Variants in SMIM13 observed in about 807,000 individuals in gnomAD.
The protein encoded by SMIM13 is UPF0766 protein C6orf228.
A neutral mutation model predicts 5.9 loss-of-function variants in SMIM13; 3 were observed. The observed-to-expected ratio is 0.51, with a 90% CI of 0.23 to 1.31. The LOEUF is 1.31. Among genes scored for constraint, SMIM13 ranks in the 40% most tolerant of loss-of-function variants. The probability of loss-of-function intolerance (pLI) is 0.18; values close to 1 mark genes in which losing one functional copy is unlikely to be tolerated. For synonymous variants in SMIM13, 55 were observed against 46.0 expected (o/e 1.19, Z -0.79); for missense variants, 85 against 109.9 (o/e 0.77, Z 1.01).
At chr6:11,108,869 T>C (rs919489396) in intron 1 of SMIM13, among the ~76,000 whole-genome samples, 1 of 152,224 alleles carries the variant, frequency 6.6e-6, no homozygotes, top group African/African-American at 2.4e-5. Flanking sequence ...GGTTAGTGTG[T>C]TTCACTAGGG....
At chr6:11,117,635 A>G (rs1758258870) in intron 1 of SMIM13, among the ~76,000 whole-genome samples, 1 of 151,774 alleles carries the variant, frequency 6.6e-6, no homozygotes, top group Admixed American at 6.6e-5. Flanking sequence ...ATATTTCGTT[A>G]TCAGTTTCTA....
chr6:11,094,183 GCCAGCCGCCCATGCCGCCCCGGCGC>G lies in SMIM13; in HGVS notation c.-122_-98del, dbSNP rs1757890121. ...CCCCTGGGGGCGCTGCCGAGGGGGC[GCCAGCCGCCCATGCCGCCCCGGCGC>G]CCAGCCGCGCCTGGCGCCCGCCGCT... On this transcript the variant is annotated 5_prime_UTR_variant, in exon 1 of 2. The change abolishes an upstream ATG in the 5' untranslated region. Coordinates refer to ENST00000416247, the MANE Select transcript of SMIM13 (RefSeq NM_001135575.2). 1 of 221,472 alleles carries G rather than the reference GCCAGCCGCCCATGCCGCCCCGGCGC, an allele frequency of 4.5e-6. No homozygotes were observed. The highest frequency in any genetic ancestry group is 7.6e-6 in the Non-Finnish European group (1 of 131,812). The allele number at this position is 221,472 out of a possible 1,614,324, so 13.7% of individuals were successfully genotyped here. A position where few individuals can be genotyped will look rare whatever the true frequency, so the allele number is the denominator to read the frequency against.
At chr6:11,132,166 A>C (rs1758457459) in intron 1 of SMIM13, among the ~76,000 whole-genome samples, 2 of 152,234 alleles carry the variant, frequency 1.3e-5, no homozygotes, top group African/African-American at 4.8e-5. Flanking sequence ...TAAGAACATG[A>C]AAAGATGTTT....
At chr6:11,095,424 C>T (rs537441945) in intron 1 of SMIM13, among the ~76,000 whole-genome samples, 2 of 152,336 alleles carry the variant, frequency 1.3e-5, no homozygotes, top group East Asian at 3.9e-4. Context: ...TGGCCCACTG[C>T]AACCTCTGCC....
chr6:11,105,700 C>T (rs1758074873), intron 1 of SMIM13: 2 of 191,022 alleles, frequency 1.0e-5, no homozygotes, highest in Admixed American at 5.4e-5. Context: ...TTTGGGGTTC[C>T]ATCCTTCCAG....
chr6:11,112,999 T>G (rs923037541), intron 1 of SMIM13, among the ~76,000 whole-genome samples: 2 of 152,062 alleles, frequency 1.3e-5, no homozygotes, highest in African/African-American at 4.8e-5. Flanking sequence ...TTATATATTT[T>G]TTTGTATTTT....
At chr6:11,131,756 T>C (rs1561761084) in intron 1 of SMIM13, among the ~76,000 whole-genome samples, 1 of 152,168 alleles carries the variant, frequency 6.6e-6, no homozygotes, top group Non-Finnish European at 1.5e-5. Flanking sequence ...GACCCCTCTC[T>C]TATACCAAAA....
At chr6:11,122,663 T>G (rs2113662155) in intron 1 of SMIM13, among the ~76,000 whole-genome samples, 1 of 152,248 alleles carries the variant, frequency 6.6e-6, no homozygotes, top group East Asian at 1.9e-4. Flanking sequence ...GGTGGAGGAC[T>G]TTTTGCAGTG....
chr6:11,098,762 T>A (rs753359928), intron 1 of SMIM13, among the ~76,000 whole-genome samples: 1 of 152,220 alleles, frequency 6.6e-6, no homozygotes, highest in African/African-American at 2.4e-5. Flanking sequence ...TTTTATATAC[T>A]GTATTTCCAT....
At chr6:11,119,805 A>G (rs1482624046) in intron 1 of SMIM13, among the ~76,000 whole-genome samples, 1 of 152,216 alleles carries the variant, frequency 6.6e-6, no homozygotes. Flanking sequence ...TGATTATTGG[A>G]TAGAAAAGCT....
chr6:11,123,302 T>C (rs1015271514), intron 1 of SMIM13, among the ~76,000 whole-genome samples: 35 of 152,218 alleles, frequency 2.3e-4, no homozygotes, highest in Admixed American at 6.5e-5. Context: ...AACCTTCTCC[T>C]AGTGCTTGTC....
chr6:11,111,489 C>T (rs1758166024), intron 1 of SMIM13, among the ~76,000 whole-genome samples: 1 of 152,182 alleles, frequency 6.6e-6, no homozygotes, highest in Admixed American at 6.6e-5. Flanking sequence ...CTCCAAGGTC[C>T]TTCCCACCCC....
intron 1 of SMIM13, among the ~76,000 whole-genome samples, chr6:11,127,766 C>T (rs989667389): frequency 3.3e-5 from 5 of 152,170 alleles, no homozygotes; most frequent in Admixed American, 6.5e-5. Flanking sequence ...TCCCACAACA[C>T]GTGGGAATTA....
chr6:11,105,243 G>A (rs760190516), intron 1 of SMIM13: 164 of 1,613,990 alleles, frequency 1.0e-4, no homozygotes, highest in Non-Finnish European at 1.3e-4. Context: ...TTCCAATAAC[G>A]GGAAATCAGG....
chr6:11,122,031 A>G (rs1758316794), intron 1 of SMIM13, among the ~76,000 whole-genome samples: 1 of 152,162 alleles, frequency 6.6e-6, no homozygotes, highest in Admixed American at 6.5e-5. Context: ...TGGGCACCCC[A>G]CTGCTAATCT....
rs1404194115 is a variant in SMIM13, at chr6:11,107,120, C to T, written c.76+12731C>T. The stretch of plus-strand genomic sequence containing the variant: ...TGACAAAGCTATTCCCACCTGAAAA[C>T]CGTATGTCATGTGGATTATCTAGGA... On this transcript the variant is annotated intron_variant, in intron 1 of 1. Transcript: ENST00000416247. 2.6e-5 allele frequency among the ~76,000 whole-genome samples: 4 copies of T among 152,158 alleles called. No homozygotes were observed. In the East Asian group the frequency reaches 7.7e-4, roughly 29 times the overall value.
In SMIM13 at chr6:11,135,554, T is replaced by C. The variant is rs1031032766; in HGVS notation, c.*952T>C. 1 of 152,586 alleles carries C rather than the reference T, an allele frequency of 6.6e-6. No homozygotes were observed. The highest frequency in any genetic ancestry group is 1.5e-5 in the Non-Finnish European group (1 of 68,022). The allele number at this position is 152,586 out of a possible 1,614,324, so 9.5% of individuals were successfully genotyped here. A position where few individuals can be genotyped will look rare whatever the true frequency, so the allele number is the denominator to read the frequency against. On this transcript the variant is annotated 3_prime_UTR_variant, in exon 2 of 2. Transcript: ENST00000416247. ...CCCACTGCCATTAAACAGAAGACAGTGTTGGAGCACTCTTTCAAGAAGTGC... is the reference window on the plus strand; with the variant it reads ...CCCACTGCCATTAAACAGAAGACAGCGTTGGAGCACTCTTTCAAGAAGTGC...
At chr6:11,109,994 C>G (rs1758144325) in intron 1 of SMIM13, among the ~76,000 whole-genome samples, 1 of 152,220 alleles carries the variant, frequency 6.6e-6, no homozygotes, top group Non-Finnish European at 1.5e-5. Context: ...CCCATTCATT[C>G]TAGGGGTTCC....
intron 1 of SMIM13, among the ~76,000 whole-genome samples, chr6:11,131,761 C>T (rs1345484824): frequency 6.6e-6 from 1 of 152,038 alleles, no homozygotes; most frequent in African/African-American, 2.4e-5. Context: ...CTCTCTTATA[C>T]CAAAATTAAC....
Sources: gnomAD v4.1 joint callset for allele counts (sites outside exome capture counted in the v4.1 genomes callset) on GRCh38, gnomAD v4.1.1 for gene constraint, MANE v1.5 for transcripts, NCBI Gene and HGNC (gene_info 2026-07-23, HGNC 2026-07-21) for gene names.